Variants in STX6 observed in about 807,000 individuals in gnomAD.
The protein encoded by STX6 is syntaxin 6.
Under a neutral mutation model 38.0 loss-of-function variants are expected in STX6, and 23 were observed. That is an observed-to-expected ratio of 0.60 (90% CI 0.43 to 0.86). STX6 has a LOEUF of 0.86. STX6 is among the 40% of genes least tolerant of loss of function. The pLI is 0.00. For synonymous variants in STX6, 123 were observed against 107.5 expected, an observed-to-expected ratio of 1.14 and a Z score of -0.89; for missense variants, 274 against 312.9, an observed-to-expected ratio of 0.88 and a Z score of 0.94.
At chr1:180,982,556 A>G (rs3789362) in intron 7 of STX6, among the ~76,000 whole-genome samples, 85,021 of 152,032 alleles carry the variant, frequency 0.56, 24,125 homozygotes, top group East Asian at 0.63. Context: ...GTCGCTTCTC[A>G]CAATGCAAGT....
chr1:180,987,560 G>A (rs188293299), intron 6 of STX6, among the ~76,000 whole-genome samples: 100 of 152,276 alleles, frequency 6.6e-4, no homozygotes, highest in African/African-American at 2.2e-3. Context: ...CATGATAAAC[G>A]TAATATCGAG....
rs1371060022 is a variant in STX6 at position 180,975,623 on chromosome 1, C to T, written c.*947G>A. The T allele has an allele frequency of 6.6e-6, 1 of 152,278 alleles. No individual in the cohort carries two copies. The highest frequency in any genetic ancestry group is 2.4e-5 in the African/African-American group (1 of 41,440). The allele number at this position is 152,278 out of a possible 1,614,324, so 9.4% of individuals were successfully genotyped here. On this transcript the variant is annotated 3_prime_UTR_variant, in exon 8 of 8. Coordinates refer to ENST00000258301, the MANE Select transcript of STX6 (RefSeq NM_005819.6). ...ACTAACCACTCCCAACCCCAACCCC[C>T]AGTGTAGAGTGCCCTAAGAGTAAAA...
rs143387017 is a variant in STX6, at chr1:180,991,315, G to A, written c.364-1206C>T. On this transcript the variant is annotated intron_variant, in intron 4 of 7. Transcript: ENST00000258301. Reference sequence around the variant, plus strand: ...TGTCTCTGGTGTAAAGCAGATCCAAGGCTTTTTGTGGGTGGCTCTGCCCTG... The same window carrying A: ...TGTCTCTGGTGTAAAGCAGATCCAAAGCTTTTTGTGGGTGGCTCTGCCCTG... Among the ~76,000 whole-genome samples the A allele has an allele frequency of 9.1e-4, 139 of 152,312 alleles. 1 individual carries two copies. In the East Asian group the frequency reaches 0.023, roughly 25 times the overall value.
At chr1:181,014,533 A>C (rs1300781247) in intron 1 of STX6, among the ~76,000 whole-genome samples, 1 of 152,226 alleles carries the variant, frequency 6.6e-6, no homozygotes, top group African/African-American at 2.4e-5. Flanking sequence ...TTACAGAGGG[A>C]TCCCCATTTC....
At chr1:180,985,222 C>T (rs758835862) in intron 6 of STX6, among the ~76,000 whole-genome samples, 1 of 152,124 alleles carries the variant, frequency 6.6e-6, no homozygotes, top group Non-Finnish European at 1.5e-5. Flanking sequence ...TATACAATAA[C>T]ACAAACTCAG....
chr1:181,020,889 A>G (rs1656706462), intron 1 of STX6, among the ~76,000 whole-genome samples: 1 of 152,168 alleles, frequency 6.6e-6, no homozygotes, highest in African/African-American at 2.4e-5. Flanking sequence ...TGATACTTTT[A>G]ATAAACACAG....
chr1:180,986,797 C>T (rs1295376930), intron 6 of STX6, among the ~76,000 whole-genome samples: 1 of 152,136 alleles, frequency 6.6e-6, no homozygotes, highest in Non-Finnish European at 1.5e-5. Context: ...TGTCAATGCA[C>T]CATCTTTAAC....
At chr1:180,990,142 GAAAC>G (rs751189111) in intron 4 of STX6, 33 bp from the exon 5 acceptor site, 19 of 1,612,894 alleles carry the variant, frequency 1.2e-5, no homozygotes, top group Non-Finnish European at 1.4e-5. Flanking sequence ...GGAGTCAGGA[GAAAC>G]AAACAATTAC....
At chr1:181,012,591 G>C (rs1656431943) in intron 1 of STX6, among the ~76,000 whole-genome samples, 1 of 151,510 alleles carries the variant, frequency 6.6e-6, no homozygotes. Context: ...GTCAAAAATG[G>C]AAACACTGCC....
intron 4 of STX6, among the ~76,000 whole-genome samples, chr1:180,991,924 TA>T (rs1281055282): frequency 1.2e-5 from 1 of 82,522 alleles, no homozygotes; most frequent in Non-Finnish European, 2.6e-5. Flanking sequence ...ATACTTTATA[TA>T]AAATATATTT....
chr1:181,008,092 G>C (rs1219352215), intron 1 of STX6, among the ~76,000 whole-genome samples: 1 of 152,188 alleles, frequency 6.6e-6, no homozygotes, highest in Non-Finnish European at 1.5e-5. Context: ...TTTTTTGATA[G>C]TATACCAAAA....
chr1:181,020,715 C>T (rs551284391), intron 1 of STX6, among the ~76,000 whole-genome samples: 18 of 152,326 alleles, frequency 1.2e-4, no homozygotes, highest in African/African-American at 4.3e-4. Context: ...CTCTGAACTC[C>T]TGAGGCACTT....
intron 1 of STX6, among the ~76,000 whole-genome samples, chr1:181,013,573 C>T (rs1255825450): frequency 1.3e-5 from 2 of 152,202 alleles, no homozygotes; most frequent in Admixed American, 6.5e-5. Context: ...CTGCCTTGGC[C>T]TCCCCCTTCA....
Position 180,976,517 on chromosome 1 carries a change from C to T in STX6, c.*53G>A, listed in dbSNP as rs1655254279. ...GCAATGTCACACGTGCTCAGCTTCT[C>T]CTCCTCCCCTCGGTTCATATGCAGG... On this transcript the variant is annotated 3_prime_UTR_variant, in exon 8 of 8. Coordinates refer to ENST00000258301, the MANE Select transcript of STX6 (RefSeq NM_005819.6). 2 of 1,497,290 alleles carry T rather than the reference C, an allele frequency of 1.3e-6. No individual in the cohort carries two copies. The highest frequency in any genetic ancestry group is 1.9e-6 in the Non-Finnish European group (2 of 1,075,112). 92.8% of individuals were successfully genotyped at this position (1,497,290 alleles called of 1,614,324 possible).
At chr1:181,012,086 T>C (rs942082399) in intron 1 of STX6, among the ~76,000 whole-genome samples, 1 of 152,222 alleles carries the variant, frequency 6.6e-6, no homozygotes, top group Non-Finnish European at 1.5e-5. Flanking sequence ...CATGAAGCAG[T>C]ATATACCTTG....
chr1:180,981,179 C>T (rs1655404017), intron 7 of STX6, among the ~76,000 whole-genome samples: 2 of 151,920 alleles, frequency 1.3e-5, no homozygotes, highest in African/African-American at 2.4e-5. Context: ...ACGGTCTTTG[C>T]GGATGATTAA....
intron 1 of STX6, among the ~76,000 whole-genome samples, chr1:181,009,886 T>C (rs532134977): frequency 6.6e-6 from 1 of 152,020 alleles, no homozygotes; most frequent in South Asian, 2.1e-4. Flanking sequence ...AGAATACTAT[T>C]CAGCAATAAA....
Position 181,005,402 on chromosome 1 carries a change from G to A in STX6, c.97C>T (p.Gln33Ter). 1.2e-6 allele frequency: 2 copies of A among 1,614,060 alleles called. No homozygotes were observed. Among genetic ancestry groups the A allele is most frequent in the Non-Finnish European group, 1.7e-6 (2 of 1,179,962 alleles). Residue 33 changes from glutamine (Q) to a stop codon, truncating the protein, a stop_gained, in exon 2 of 8, where the codon CAG becomes TAG. Coordinates refer to ENST00000258301, the MANE Select transcript of STX6 (RefSeq NM_005819.6). LOFTEE classifies it high-confidence loss of function. Reference protein sequence around the residue: ...GLFQRWTELLQDPSTATREEI... With the variant: ...GLFQRWTELL The stretch of plus-strand genomic sequence containing the variant: ...TCCCTTGTTGCTGTGGAGGGGTCCT[G>A]GAGGAGCTCTGTCCATCTCTGAAAC...
intron 1 of STX6, among the ~76,000 whole-genome samples, chr1:181,013,447 T>C (rs1365042154): frequency 6.6e-6 from 1 of 152,182 alleles, no homozygotes. Flanking sequence ...GCCTCCCAAG[T>C]TGCTAGGACT....
Sources: allele counts gnomAD v4.1 joint callset (sites outside exome capture counted in the v4.1 genomes callset), GRCh38; gene constraint gnomAD v4.1.1; transcripts MANE v1.5; gene names NCBI Gene and HGNC (gene_info 2026-07-23, HGNC 2026-07-21).